Variants in PBRM1 observed in about 807,000 individuals in gnomAD.
The protein encoded by PBRM1 is polybromo 1, also known as protein polybromo-1.
In PBRM1, 27 loss-of-function variants were observed where a neutral mutation model predicts 194.5. The observed-to-expected ratio is 0.14, with a 90% CI of 0.10 to 0.19. The LOEUF (loss-of-function observed/expected upper bound fraction) is 0.19, where lower values mean the gene tolerates loss of function less well. PBRM1 is among the 10% of genes least tolerant of loss of function. PBRM1 has a pLI of 1.00. For synonymous variants in PBRM1, 655 were observed against 693.2 expected, an observed-to-expected ratio of 0.94 and a Z score of 0.87; for missense variants, 1,466 against 2,077.2, an observed-to-expected ratio of 0.71 and a Z score of 5.72.
intron 13 of PBRM1, among the ~76,000 whole-genome samples, chr3:52,625,252 G>A (rs1034869605): frequency 6.6e-6 from 1 of 152,116 alleles, no homozygotes; most frequent in African/African-American, 2.4e-5. Context: ...GACTTCTGTG[G>A]CCAAGATTAG....
At chr3:52,646,791 G>A (rs2096304694) in intron 7 of PBRM1, among the ~76,000 whole-genome samples, 1 of 152,168 alleles carries the variant, frequency 6.6e-6, no homozygotes, top group African/African-American at 2.4e-5. Flanking sequence ...TACGTTAAGA[G>A]CTAAACTATA....
At chr3:52,616,315 T>C (rs1455023685) in intron 14 of PBRM1, among the ~76,000 whole-genome samples, 1 of 152,136 alleles carries the variant, frequency 6.6e-6, no homozygotes, top group Non-Finnish European at 1.5e-5. Context: ...TTCTGGGAGA[T>C]GTAAAGTGGA....
At chr3:52,643,189 T>A in intron 9 of PBRM1, 59 bp downstream of exon 10, 1 of 1,173,322 alleles carries the variant, frequency 8.5e-7, no homozygotes. Context: ...GGGCAAATAC[T>A]AGTATGCCTA....
chr3:52,618,307 ATAGAT>A (rs2095078886), intron 13 of PBRM1, among the ~76,000 whole-genome samples: 1 of 152,216 alleles, frequency 6.6e-6, no homozygotes, highest in Non-Finnish European at 1.5e-5. Context: ...ATAAGGGACT[ATAGAT>A]TAGATCCAGA....
At position 52,652,816 on chromosome 3, in the gene PBRM1, A is replaced by G. The variant is rs544983545; in HGVS notation, c.646-1006T>C. On this transcript the variant is annotated intron_variant, in intron 5 of 29. Transcript: ENST00000296302. ...AGTTCAAGACCAACCTGGCCAACAT[A>G]GCGAAACCCTGTCTCCATTAAAAAT... 1.7e-4 allele frequency among the ~76,000 whole-genome samples: 26 copies of G among 152,012 alleles called. 1 individual carries two copies. The South Asian group carries it at 5.2e-3, about 30-fold the overall frequency.
intron 17 of PBRM1, among the ~76,000 whole-genome samples, chr3:52,599,342 C>T (rs2093815283): frequency 6.6e-6 from 1 of 152,136 alleles, no homozygotes; most frequent in Admixed American, 6.5e-5. Context: ...ATCCATTCTT[C>T]CAGCTATTTG....
chr3:52,685,888 A>C (rs1379964524), upstream of PBRM1: 33 of 611,144 alleles, frequency 5.4e-5, no homozygotes, highest in Non-Finnish European at 8.1e-5. Context: ...CACCTCCCTT[A>C]CCCCTCCCGG....
chr3:52,679,860 G>GA, upstream of PBRM1: 3 of 398,496 alleles, frequency 7.5e-6, no homozygotes, highest in Non-Finnish European at 4.3e-6. Context: ...CTAGCTATAA[G>GA]TTTTTTTTTT....
chr3:52,577,719 G>A (rs1255121422), intron 21 of PBRM1, among the ~76,000 whole-genome samples: 3 of 152,050 alleles, frequency 2.0e-5, no homozygotes, highest in African/African-American at 4.8e-5. Flanking sequence ...ACTATCTTTT[G>A]CAATCACCCT....
At chr3:52,597,162 G>A (rs1384790656) in intron 17 of PBRM1, among the ~76,000 whole-genome samples, 1 of 152,200 alleles carries the variant, frequency 6.6e-6, no homozygotes, top group Non-Finnish European at 1.5e-5. Context: ...CACAGCTGAT[G>A]CTGGGGTATG....
chr3:52,619,039 G>A (rs909888093), intron 13 of PBRM1, among the ~76,000 whole-genome samples: 15 of 152,060 alleles, frequency 9.9e-5, no homozygotes, highest in East Asian at 1.9e-4. Flanking sequence ...TTGAGCCATC[G>A]GGCTCGGCTG....
chr3:52,669,011 GA>G (rs2096896335), intron 2 of PBRM1, among the ~76,000 whole-genome samples: 1 of 152,124 alleles, frequency 6.6e-6, no homozygotes, highest in African/African-American at 2.4e-5. Flanking sequence ...TCAAAAGTGT[GA>G]AAACAGAGAT....
chr3:52,602,609 G>C (rs974280173), intron 17 of PBRM1, among the ~76,000 whole-genome samples: 1 of 152,168 alleles, frequency 6.6e-6, no homozygotes, highest in Non-Finnish European at 1.5e-5. Flanking sequence ...CAAAGTTGCA[G>C]CTTTACTCCA....
chr3:52,668,633 G>A (rs1429143998), exon 3 of PBRM1: 1 of 1,565,564 alleles, frequency 6.4e-7, no homozygotes, highest in Non-Finnish European at 8.6e-7. Context: ...CTTCATAATA[G>A]TCTGGTTGAT....
At chr3:52,597,984 G>A (rs1029260442) in intron 17 of PBRM1, among the ~76,000 whole-genome samples, 3 of 152,118 alleles carry the variant, frequency 2.0e-5, no homozygotes, top group Admixed American at 6.6e-5. Flanking sequence ...GATTACAGGC[G>A]TGAGCCACTG....
upstream of PBRM1, chr3:52,679,863 T>C: frequency 2.0e-6 from 1 of 488,810 alleles, no homozygotes; most frequent in Non-Finnish European, 3.4e-6. Flanking sequence ...GCTATAAGTT[T>C]TTTTTTTTTT....
chr3:52,609,191 A>C lies in PBRM1; in HGVS notation c.2567+122T>G. Reference sequence around the variant, plus strand: ...GTTCTGGCTGATTAGAATTCAGAATAGCATGCTACCAACTACAAATCATGT... The same window carrying C: ...GTTCTGGCTGATTAGAATTCAGAATCGCATGCTACCAACTACAAATCATGT... On this transcript the variant is annotated intron_variant, in intron 16 of 29. Coordinates refer to ENST00000296302, the Ensembl canonical transcript of PBRM1. This position sits in a 1 kb window ranked among gnomAD's most constrained non-coding sequence, Gnocchi z 4.1. The C allele has an allele frequency of 1.3e-6, 1 of 762,384 alleles. No individual in the cohort carries two copies. The highest frequency in any genetic ancestry group is 2.1e-6 in the Non-Finnish European group (1 of 474,376). The allele number at this position is 762,384 out of a possible 1,614,324, so 47.2% of individuals were successfully genotyped here.
At chr3:52,563,907 TC>T in intron 23 of PBRM1, 142 bp downstream of exon 25, 1 of 615,522 alleles carries the variant, frequency 1.6e-6, no homozygotes. Context: ...TTTCCTTTAA[TC>T]TTTAAGTGAA....
chr3:52,676,825 C>G (rs1460711513), intron 2 of PBRM1, among the ~76,000 whole-genome samples: 1 of 152,086 alleles, frequency 6.6e-6, no homozygotes, highest in Non-Finnish European at 1.5e-5. Flanking sequence ...CTGAGGTGGT[C>G]TCAGATGGAG....
Sources: gnomAD v4.1 joint callset for allele counts (sites outside exome capture counted in the v4.1 genomes callset) on GRCh38, gnomAD v4.1.1 for gene constraint, Gnocchi (gnomAD v3.1) non-coding constraint, MANE v1.5 for transcripts, NCBI Gene and HGNC (gene_info 2026-07-23, HGNC 2026-07-21) for gene names.